Variants in MCM5 observed in about 807,000 individuals in gnomAD.
MCM5 encodes minichromosome maintenance complex component 5.
Under a neutral mutation model 79.9 loss-of-function variants are expected in MCM5, and 46 were observed. The ratio of observed to expected loss-of-function variants is 0.58; its 90% CI spans 0.45 to 0.74. MCM5 has a LOEUF of 0.74. MCM5 is among the 30% of genes least tolerant of loss of function. The probability of loss-of-function intolerance (pLI) is 0.00; values close to 1 mark genes in which losing one functional copy is unlikely to be tolerated. For synonymous variants in MCM5, 404 were observed against 390.5 expected (o/e 1.03, Z -0.41); for missense variants, 883 against 1,017.0 (o/e 0.87, Z 1.79).
At chr22:35,432,455 C>A in the MCM5 span, among the ~76,000 whole-genome samples, 2 of 152,294 alleles carry the variant, frequency 1.3e-5, no homozygotes, top group East Asian at 3.9e-4. Flanking sequence ...CGGTTCTGTT[C>A]ACGGCCCCCA....
At chr22:35,427,496 AT>A (rs753028521), downstream of MCM5, among the ~76,000 whole-genome samples, 3,202 of 133,362 alleles carry the variant, frequency 0.024, 21 homozygotes, top group Admixed American at 0.032. Flanking sequence ...TATTTAACAC[AT>A]TTTTTTTTTT....
chr22:35,421,232 G>T lies in MCM5; in HGVS notation c.1833-86G>T, dbSNP rs1206046044. 6 of 1,452,842 alleles carry T rather than the reference G, an allele frequency of 4.1e-6. 1 individual carries two copies. The highest frequency in any genetic ancestry group is 4.0e-5 in the Admixed American group (2 of 50,194). 90.0% of individuals were successfully genotyped at this position (1,452,842 alleles called of 1,614,324 possible). Reference sequence around the variant, plus strand: ...TCTCCACCACAGTCTTACCACTTTGGGCAAGCACCTCCCTGGTAACGGGCT... The same window carrying T: ...TCTCCACCACAGTCTTACCACTTTGTGCAAGCACCTCCCTGGTAACGGGCT... On this transcript the variant is annotated intron_variant, in intron 14 of 16. Coordinates refer to ENST00000216122, the MANE Select transcript of MCM5 (RefSeq NM_006739.4).
the MCM5 span, among the ~76,000 whole-genome samples, chr22:35,453,479 G>C: frequency 2.6e-5 from 4 of 151,600 alleles, no homozygotes; most frequent in African/African-American, 7.3e-5. Flanking sequence ...GAAAGAGACA[G>C]AGGGACAGAT....
chr22:35,436,179 A>AAAAAAG, the MCM5 span, among the ~76,000 whole-genome samples: 2 of 144,320 alleles, frequency 1.4e-5, no homozygotes, highest in African/African-American at 5.1e-5. Flanking sequence ...AAAAAAAAAA[A>AAAAAAG]AAAAGAAAAA....
At position 35,403,341 on chromosome 22, in the gene MCM5, G is replaced by C. The variant is rs1302832776; in HGVS notation, c.294+8G>C. On this transcript the variant is annotated splice_region_variant and intron_variant, in intron 3 of 16. Transcript: ENST00000216122. ...GCCGAGCACCTGCAGCTGGTGAGTG[G>C]GACCCCATCCCTGAGCTTCCCAGGG... 1 of 1,614,114 alleles carries C rather than the reference G, an allele frequency of 6.2e-7. No homozygotes were observed. The highest frequency in any genetic ancestry group is 8.5e-7 in the Non-Finnish European group (1 of 1,180,016).
the MCM5 span, among the ~76,000 whole-genome samples, chr22:35,438,559 T>TC: frequency 2.4e-5 from 2 of 82,904 alleles, no homozygotes; most frequent in African/African-American, 6.2e-5. Flanking sequence ...ACTCACATAT[T>TC]CATCCATCCA....
rs774349719 is a variant in MCM5 at position 35,412,530 on chromosome 22, G to A, written c.940G>A (p.Val314Met). 20 of 1,563,302 alleles carry A rather than the reference G, an allele frequency of 1.3e-5. No homozygotes were observed. In the East Asian group the frequency reaches 2.1e-4, roughly 17 times the overall value. The change falls in exon 8 of 17, where the codon GTG (valine) becomes ATG (methionine). Residue 314 changes from valine to methionine, a missense_variant. This residue lies in a region of MCM5 where 455 missense variants were observed against 517.5 expected (regional missense o/e 0.88). Coordinates refer to ENST00000216122, the MANE Select transcript of MCM5 (RefSeq NM_006739.4). ...DGSGRSFAGA[V>M]SPQEEEEFRR... ...CCAAGGCCGCAGCTTTGCTGGGGCC[G>A]TGAGCCCCCAGGAGGAGGAGGAGTT...
chr22:35,452,459 G>A, the MCM5 span, among the ~76,000 whole-genome samples: 1 of 152,206 alleles, frequency 6.6e-6, no homozygotes, highest in African/African-American at 2.4e-5. Flanking sequence ...GCAGGTGCCC[G>A]GCAGATGTGT....
chr22:35,416,720 AGG>A lies in MCM5; in HGVS notation c.1500_1501del (p.Glu501GlyfsTer4). On this transcript the variant is annotated frameshift_variant, in exon 12 of 17. Transcript: ENST00000216122. LOFTEE classifies it high-confidence loss of function. ...GTGTTCGGCCGCTGGGATGAGACGAAGGGGGAGGACAACATTGACTTCATGCC... is the reference window on the plus strand; with the variant it reads ...GTGTTCGGCCGCTGGGATGAGACGAAGGGAGGACAACATTGACTTCATGCC... The A allele has an allele frequency of 6.2e-7, 1 of 1,614,116 alleles. No individual in the cohort carries two copies. Among genetic ancestry groups the A allele is most frequent in the South Asian group, 1.1e-5 (1 of 91,076 alleles).
At chr22:35,414,054 G>T in intron 9 of MCM5, 68 bp downstream of exon 9, 1 of 1,040,318 alleles carries the variant, frequency 9.6e-7, no homozygotes, top group South Asian at 1.3e-5. Flanking sequence ...AGGGCCTCTG[G>T]GTCCTCAGGA....
intron 2 of MCM5, among the ~76,000 whole-genome samples, chr22:35,402,138 T>C (rs962937749): frequency 1.1e-4 from 16 of 152,148 alleles, no homozygotes; most frequent in African/African-American, 3.6e-4. Flanking sequence ...ACGCAGTGGC[T>C]CATGCTTGTA....
the MCM5 span, among the ~76,000 whole-genome samples, chr22:35,438,707 T>TCATC: frequency 4.4e-3 from 309 of 70,570 alleles, 5 homozygotes; most frequent in African/African-American, 0.011. Flanking sequence ...ACCCACATAT[T>TCATC]CATCCATCCA....
At chr22:35,421,645 C>A in intron 15 of MCM5, 185 bp downstream of exon 15, 1 of 766,322 alleles carries the variant, frequency 1.3e-6, no homozygotes, top group Non-Finnish European at 2.2e-6. Flanking sequence ...GCTGTTTCCT[C>A]CAAGATGGGA....
rs552573586 is a variant in MCM5 at position 35,416,365 on chromosome 22, C to T, written c.1374C>T (p.Ile458=). The T allele has an allele frequency of 6.2e-7, 1 of 1,613,936 alleles. No homozygotes were observed. Among genetic ancestry groups the T allele is most frequent in the South Asian group, 1.1e-5 (1 of 91,078 alleles). The part of the protein sequence containing the change: ...DKMREDDRVA[I]HEAMEQQTIS... The stretch of plus-strand genomic sequence containing the variant: ...TGCGAGAAGATGACCGTGTGGCAAT[C>T]CACGAAGCCATGGAGCAGCAGACCA... Residue 458 remains isoleucine (I), a synonymous_variant, in exon 11 of 17, where the codon ATC becomes ATT. Coordinates refer to ENST00000216122, the MANE Select transcript of MCM5 (RefSeq NM_006739.4).
In MCM5 at chr22:35,406,834, A is replaced by C. The variant is rs899137830; in HGVS notation, c.596+109A>C. Reference sequence around the variant, plus strand: ...CAGCTGCTTCTAGAGATCCACTGGGATGGGCTGGGCAGGGGTGTGCCCTTA... The same window carrying C: ...CAGCTGCTTCTAGAGATCCACTGGGCTGGGCTGGGCAGGGGTGTGCCCTTA... On this transcript the variant is annotated intron_variant, in intron 5 of 16. Transcript: ENST00000216122. 6.3e-5 allele frequency: 76 copies of C among 1,207,714 alleles called. No individual in the cohort carries two copies. In the South Asian group the frequency reaches 9.8e-4, roughly 16 times the overall value. 74.8% of individuals were successfully genotyped at this position (1,207,714 alleles called of 1,614,324 possible).
the MCM5 span, among the ~76,000 whole-genome samples, chr22:35,446,926 C>T: frequency 4.6e-5 from 7 of 152,330 alleles, 1 homozygote; most frequent in African/African-American, 1.4e-4. Context: ...AGGTGGGTCA[C>T]GAGGCCCCTG....
intron 10 of MCM5, 60 bp downstream of exon 10, chr22:35,416,032 C>T: frequency 1.3e-6 from 2 of 1,576,828 alleles, no homozygotes; most frequent in African/African-American, 1.3e-5. Context: ...ATGTGACTTC[C>T]TGTGCTCAGC....
chr22:35,423,111 C>T (rs546893860), intron 15 of MCM5, 103 bp from the exon 16 acceptor site: 19 of 1,319,376 alleles, frequency 1.4e-5, no homozygotes, highest in African/African-American at 1.3e-4. Context: ...ACTTACTCTT[C>T]GGGGCCTGGC....
chr22:35,401,680 C>T, intron 2 of MCM5: 1 of 471,142 alleles, frequency 2.1e-6, no homozygotes, highest in Non-Finnish European at 4.4e-6. Context: ...TGATATTGCC[C>T]ACCTGTGTGC....
Sources: allele counts gnomAD v4.1 joint callset (sites outside exome capture counted in the v4.1 genomes callset), GRCh38; gene constraint gnomAD v4.1.1; regional missense constraint gnomAD v4.1.1; transcripts MANE v1.5; gene names NCBI Gene and HGNC (gene_info 2026-07-23, HGNC 2026-07-21).